Variants in PRUNE2 observed in about 807,000 individuals in gnomAD.
The protein encoded by PRUNE2 is prune homolog 2 with BCH domain, also known as protein prune homolog 2.
In PRUNE2, 164 loss-of-function variants were observed where a neutral mutation model predicts 252.0. The ratio of observed to expected loss-of-function variants is 0.65; its 90% CI spans 0.57 to 0.74. PRUNE2 has a LOEUF of 0.74. PRUNE2 is among the 30% of genes least tolerant of loss of function. The probability of loss-of-function intolerance (pLI) is 0.00; values close to 1 mark genes in which losing one functional copy is unlikely to be tolerated. For missense variants in PRUNE2, 3,495 were observed against 3,711.0 expected (o/e 0.94, Z 1.51); for synonymous variants, 1,292 against 1,350.2 (o/e 0.96, Z 0.94).
intron 11 of PRUNE2, among the ~76,000 whole-genome samples, chr9:76,649,342 C>G: frequency 9.4e-6 from 1 of 106,876 alleles, no homozygotes; most frequent in Non-Finnish European, 1.9e-5. Context: ...ACAGATTGTT[C>G]TATAATTTGT....
chr9:76,765,405 A>G (rs2052239316), intron 6 of PRUNE2, among the ~76,000 whole-genome samples: 1 of 152,248 alleles, frequency 6.6e-6, no homozygotes, highest in South Asian at 2.1e-4. Flanking sequence ...AGAGGTCACT[A>G]GTGATCTTGA....
At chr9:76,717,036 C>G (rs1482195386) in intron 6 of PRUNE2, among the ~76,000 whole-genome samples, 1 of 152,260 alleles carries the variant, frequency 6.6e-6, no homozygotes, top group East Asian at 1.9e-4. Context: ...TCATGTCCCT[C>G]AAGTGCTCTA....
At chr9:76,799,274 G>T (rs372062225) in intron 6 of PRUNE2, among the ~76,000 whole-genome samples, 16 of 151,384 alleles carry the variant, frequency 1.1e-4, no homozygotes, top group African/African-American at 3.9e-4. Context: ...CCAGGAGGTG[G>T]AGGTTGCAGT....
intron 6 of PRUNE2, among the ~76,000 whole-genome samples, chr9:76,818,405 T>C (rs1159591189): frequency 6.6e-6 from 1 of 152,172 alleles, no homozygotes; most frequent in African/African-American, 2.4e-5. Context: ...TTCATTCTGG[T>C]CTGTGCTTTG....
chr9:76,705,098 G>A lies in PRUNE2; in HGVS notation c.7176C>T (p.Tyr2392=), dbSNP rs2046217983. The A allele has an allele frequency of 6.2e-7, 1 of 1,614,028 alleles. No homozygotes were observed. Among genetic ancestry groups the A allele is most frequent in the Non-Finnish European group, 8.5e-7 (1 of 1,179,896 alleles). ...EDSLKQSLAP[Y]TPPFDLSYLT... The stretch of plus-strand genomic sequence containing the variant: ...GATAAGACAAATCAAAGGGAGGTGT[G>A]TACGGTGCCAGCGACTGCTTCAGAG... Residue 2392 remains tyrosine, a synonymous_variant, in exon 8 of 19, where the codon TAC becomes TAT. Transcript: ENST00000376718.
intron 8 of PRUNE2, 85 bp downstream of exon 8, chr9:76,704,676 G>A (rs2046181312): frequency 5.3e-6 from 5 of 946,718 alleles, no homozygotes; most frequent in Middle Eastern, 3.3e-4. Flanking sequence ...TACCCTCATT[G>A]GTAGGAAGAG....
At chr9:76,785,447 T>C (rs923110604) in intron 6 of PRUNE2, 3 of 152,230 alleles carry the variant, frequency 2.0e-5, no homozygotes, top group Non-Finnish European at 2.9e-5. Context: ...GGGAACCTCA[T>C]AGTATCTTAT....
chr9:76,776,518 C>CTTT (rs796197139), intron 6 of PRUNE2, among the ~76,000 whole-genome samples: 6 of 122,848 alleles, frequency 4.9e-5, no homozygotes, highest in Admixed American at 8.3e-5. Context: ...TTTCTTTTTT[C>CTTT]TTTTTTTTTT....
At chr9:76,681,230 T>C (rs1171299824) in intron 9 of PRUNE2, among the ~76,000 whole-genome samples, 1 of 152,084 alleles carries the variant, frequency 6.6e-6, no homozygotes, top group East Asian at 1.9e-4. Context: ...CTGAAGTATC[T>C]AAAGCAGTGA....
intron 6 of PRUNE2, among the ~76,000 whole-genome samples, chr9:76,812,194 A>T (rs777267519): frequency 6.6e-6 from 1 of 152,242 alleles, no homozygotes; most frequent in Non-Finnish European, 1.5e-5. Context: ...AGCTGGGAAG[A>T]CAGGGCTTCC....
intron 9 of PRUNE2, among the ~76,000 whole-genome samples, chr9:76,666,653 C>T (rs1359337494): frequency 6.6e-6 from 1 of 152,110 alleles, no homozygotes; most frequent in African/African-American, 2.4e-5. Flanking sequence ...GCCCCTTTTG[C>T]CTTGTATCCA....
chr9:76,684,753 CTTAT>C (rs765236723), intron 9 of PRUNE2, among the ~76,000 whole-genome samples: 35 of 152,236 alleles, frequency 2.3e-4, no homozygotes, highest in Non-Finnish European at 4.0e-4. Flanking sequence ...ACTTCTGCCT[CTTAT>C]TTATTTATTT....
chr9:76,805,019 T>C (rs974594081), intron 6 of PRUNE2, among the ~76,000 whole-genome samples: 3 of 152,206 alleles, frequency 2.0e-5, no homozygotes, highest in Non-Finnish European at 4.4e-5. Context: ...ACTGGCTCCA[T>C]GACTTCCTTT....
chr9:76,714,038 C>G (rs919687122), intron 6 of PRUNE2, among the ~76,000 whole-genome samples: 6 of 151,980 alleles, frequency 3.9e-5, no homozygotes, highest in African/African-American at 1.5e-4. Context: ...TCCTATTTTC[C>G]CTCTTGTCGC....
intron 6 of PRUNE2, chr9:76,823,350 A>C (rs1005516883): frequency 9.1e-6 from 3 of 330,864 alleles, no homozygotes; most frequent in Non-Finnish European, 1.7e-5. Context: ...TTGCTATTAA[A>C]CAGGTTAAAT....
intron 17 of PRUNE2, 24 bp downstream of exon 17, chr9:76,624,428 C>T (rs774679733): frequency 3.4e-5 from 47 of 1,401,916 alleles, no homozygotes; most frequent in Middle Eastern, 1.8e-4. Context: ...TCATGCCAGC[C>T]GCTAAACGAA....
At chr9:76,874,053 A>G (rs1396369307) in intron 1 of PRUNE2, among the ~76,000 whole-genome samples, 1 of 152,188 alleles carries the variant, frequency 6.6e-6, no homozygotes, top group East Asian at 1.9e-4. Flanking sequence ...GAGATGTAAT[A>G]CTGAATCATT....
intron 1 of PRUNE2, among the ~76,000 whole-genome samples, chr9:76,905,430 G>T (rs893543009): frequency 1.3e-5 from 2 of 152,328 alleles, no homozygotes; most frequent in African/African-American, 4.8e-5. Context: ...AACTCCTGCA[G>T]TGGAGCAAGC....
intron 6 of PRUNE2, among the ~76,000 whole-genome samples, chr9:76,755,993 G>A (rs1036537311): frequency 2.6e-5 from 4 of 152,146 alleles, no homozygotes. Context: ...GTGAGCCACC[G>A]CGCCTGGCCA....
Sources: allele counts gnomAD v4.1 joint callset (sites outside exome capture counted in the v4.1 genomes callset), GRCh38; gene constraint gnomAD v4.1.1; transcripts MANE v1.5; gene names NCBI Gene and HGNC (gene_info 2026-07-23, HGNC 2026-07-21).